VAMP7: variants seen among roughly 807,000 people sequenced by gnomAD.
VAMP7 encodes vesicle-associated membrane protein 7.
A neutral mutation model predicts 29.6 loss-of-function variants in VAMP7; 14 were observed. The observed-to-expected ratio is 0.47, with a 90% CI of 0.31 to 0.74. The LOEUF is 0.74. Among genes scored for constraint, VAMP7 ranks in the 30% least tolerant of loss-of-function variants. The pLI, the probability that VAMP7 is intolerant of heterozygous loss-of-function variation, is 0.05. For synonymous variants in VAMP7, 95 were observed against 88.1 expected (o/e 1.08, Z -0.44); for missense variants, 223 against 262.4 (o/e 0.85, Z 1.04).
At chrX:155,917,019 A>G (rs960751306) in intron 5 of VAMP7, among the ~76,000 whole-genome samples, 1 of 152,084 alleles carries the variant, frequency 6.6e-6, no homozygotes, top group Non-Finnish European at 1.5e-5. Context: ...TGGTCTTTTC[A>G]TATAGTCCCA....
intron 7 of VAMP7, among the ~76,000 whole-genome samples, chrX:155,940,169 C>A (rs1198443440): frequency 6.6e-6 from 1 of 151,950 alleles, no homozygotes; most frequent in Non-Finnish European, 1.5e-5. Context: ...TTATAATCCC[C>A]CTTAAACAAG....
intron 5 of VAMP7, among the ~76,000 whole-genome samples, chrX:155,916,241 G>C (rs946762935): frequency 6.7e-6 from 1 of 148,946 alleles, no homozygotes; most frequent in African/African-American, 2.4e-5. Flanking sequence ...TTTTGAGCCT[G>C]TGTGTGTCTT....
chrX:155,943,080 A>C lies in VAMP7; in HGVS notation c.*1129A>C, dbSNP rs1315966207. ...TACAAAACAGTTTAACAACCATTTA[A>C]CTGCAGTGTAAGAAAATTGGACTGT... On this transcript the variant is annotated 3_prime_UTR_variant, in exon 8 of 8. Transcript: ENST00000286448. 6.7e-6 allele frequency: 1 copy of C among 150,278 alleles called. No homozygotes were observed. Among genetic ancestry groups the C allele is most frequent in the Non-Finnish European group, 1.5e-5 (1 of 67,622 alleles). The allele number at this position is 150,278 out of a possible 1,614,324, so 9.3% of individuals were successfully genotyped here.
intron 5 of VAMP7, among the ~76,000 whole-genome samples, chrX:155,913,118 A>G (rs2066261212): frequency 6.6e-6 from 1 of 152,128 alleles, no homozygotes; most frequent in Non-Finnish European, 1.5e-5. Flanking sequence ...CATTTCTCTA[A>G]TGACCCGTGA....
chrX:155,935,635 G>C (rs1223099039), intron 6 of VAMP7, among the ~76,000 whole-genome samples: 1 of 151,944 alleles, frequency 6.6e-6, no homozygotes, highest in East Asian at 1.9e-4. Flanking sequence ...GCTTCTTTGT[G>C]CTGGGTTCAA....
chrX:155,904,684 A>G (rs1281863031), intron 5 of VAMP7, among the ~76,000 whole-genome samples: 4 of 151,978 alleles, frequency 2.6e-5, no homozygotes, highest in African/African-American at 9.7e-5. Flanking sequence ...GAATCTTGTA[A>G]TATGTGGCCT....
chrX:155,932,591 T>C (rs2066577948), intron 6 of VAMP7, among the ~76,000 whole-genome samples: 1 of 152,192 alleles, frequency 6.6e-6, no homozygotes, highest in South Asian at 2.1e-4. Context: ...GCTTATCAGC[T>C]TAAGGAGATT....
chrX:155,938,774 C>T (rs1484212673), intron 6 of VAMP7, among the ~76,000 whole-genome samples: 3 of 152,144 alleles, frequency 2.0e-5, no homozygotes, highest in Non-Finnish European at 4.4e-5. Flanking sequence ...CGTAATTGTG[C>T]CACTGCACTC....
At position 155,919,695 on chromosome X, in the gene VAMP7, A is replaced by G. The variant is rs1387707907; in HGVS notation, c.434-118A>G. The stretch of plus-strand genomic sequence containing the variant: ...GAGTGGTGTCACCAGTGGGTGAAGC[A>G]TGCCTGTCCTTTGGCCCCAGGACAG... On this transcript the variant is annotated intron_variant, in intron 5 of 7. Coordinates refer to ENST00000286448, the MANE Select transcript of VAMP7 (RefSeq NM_005638.6). 25 of 848,448 alleles carry G rather than the reference A, an allele frequency of 2.9e-5. No homozygotes were observed. In the East Asian group the frequency reaches 6.2e-4, roughly 21 times the overall value. The allele number at this position is 848,448 out of a possible 1,614,324, so 52.6% of individuals were successfully genotyped here. A position where few individuals can be genotyped will look rare whatever the true frequency, so the allele number is the denominator to read the frequency against.
At chrX:155,897,931 G>A (rs180706242) in intron 3 of VAMP7, among the ~76,000 whole-genome samples, 181 bp from the exon 4 acceptor site, 131 of 152,152 alleles carry the variant, frequency 8.6e-4, no homozygotes, top group African/African-American at 2.9e-3. Context: ...TTGGACCTTT[G>A]GACAAGTTAG....
chrX:155,926,110 C>G (rs192166484), intron 6 of VAMP7, among the ~76,000 whole-genome samples: 4 of 152,108 alleles, frequency 2.6e-5, no homozygotes, highest in Non-Finnish European at 5.9e-5. Flanking sequence ...ATAATTCTTA[C>G]GGGCCCTAGA....
At chrX:155,888,735 A>G (rs1005711841) in intron 1 of VAMP7, among the ~76,000 whole-genome samples, 2 of 152,076 alleles carry the variant, frequency 1.3e-5, no homozygotes, top group Non-Finnish European at 2.9e-5. Context: ...TGTTTCTGTT[A>G]TGGATAATGC....
intron 1 of VAMP7, among the ~76,000 whole-genome samples, chrX:155,882,913 A>C (rs2065820621): frequency 6.6e-6 from 1 of 152,224 alleles, no homozygotes; most frequent in South Asian, 2.1e-4. Context: ...ATACTGAGGA[A>C]ATTTCTAAGG....
At chrX:155,898,367 CAA>C in intron 4 of VAMP7, 118 bp downstream of exon 4, 1 of 1,329,784 alleles carries the variant, frequency 7.5e-7, no homozygotes, top group South Asian at 1.8e-5. Flanking sequence ...TACTGTAAGC[CAA>C]CATAATAAAA....
At chrX:155,903,830 A>G (rs2066105618) in intron 5 of VAMP7, among the ~76,000 whole-genome samples, 1 of 152,166 alleles carries the variant, frequency 6.6e-6, no homozygotes, top group African/African-American at 2.4e-5. Flanking sequence ...TAGAAATACC[A>G]TTTGACCCAG....
chrX:155,889,095 C>G (rs1387103227), intron 1 of VAMP7, among the ~76,000 whole-genome samples: 1 of 152,068 alleles, frequency 6.6e-6, no homozygotes, highest in Admixed American at 6.5e-5. Context: ...GATGGAATTT[C>G]TACATTAAAG....
Position 155,942,252 on chromosome X carries a change from T to C in VAMP7, c.*301T>C, listed in dbSNP as rs1443636385. 7.4e-7 allele frequency: 1 copy of C among 1,352,088 alleles called. No individual in the cohort carries two copies. The allele number at this position is 1,352,088 out of a possible 1,614,324, so 83.8% of individuals were successfully genotyped here. On this transcript the variant is annotated 3_prime_UTR_variant, in exon 8 of 8. Coordinates refer to ENST00000286448, the MANE Select transcript of VAMP7 (RefSeq NM_005638.6). ...GAGAAACATTTTTGTTTTTAATTGC[T>C]CAAAGCTGTCGCCGCTAGTCTTATG...
chrX:155,898,319 A>AG, intron 4 of VAMP7, 70 bp downstream of exon 4: 1 of 1,564,982 alleles, frequency 6.4e-7, no homozygotes, highest in Non-Finnish European at 8.7e-7. Flanking sequence ...CTATGAATCT[A>AG]GGGGGCCCTG....
chrX:155,888,878 G>T (rs978597837), intron 1 of VAMP7, among the ~76,000 whole-genome samples: 1 of 152,114 alleles, frequency 6.6e-6, no homozygotes, highest in Non-Finnish European at 1.5e-5. Flanking sequence ...CTGTGCTTCA[G>T]TTTTCTCATC....
Sources: allele counts gnomAD v4.1 joint callset (sites outside exome capture counted in the v4.1 genomes callset), GRCh38; gene constraint gnomAD v4.1.1; transcripts MANE v1.5; gene names NCBI Gene and HGNC (gene_info 2026-07-23, HGNC 2026-07-21).